TPTE: variants seen among roughly 807,000 people sequenced by gnomAD.
TPTE encodes transmembrane phosphatase with tensin homology.
A neutral mutation model predicts 84.1 loss-of-function variants in TPTE; 59 were observed. The observed-to-expected ratio is 0.70, with a 90% CI of 0.57 to 0.87. The LOEUF is 0.87. TPTE is among the 40% of genes least tolerant of loss of function. The pLI, the probability that TPTE is intolerant of heterozygous loss-of-function variation, is 0.00. For synonymous variants in TPTE, 130 were observed against 223.5 expected, an observed-to-expected ratio of 0.58 and a Z score of 3.73; for missense variants, 382 against 659.6, an observed-to-expected ratio of 0.58 and a Z score of 4.61.
At position 10,540,604 on chromosome 21, in the gene TPTE, AC is replaced by A. The variant is rs1350942472; in HGVS notation, c.12-503del. On this transcript the variant is annotated intron_variant, in intron 4 of 23. Coordinates refer to ENST00000618007, the MANE Select transcript of TPTE (RefSeq NM_199261.4). ...GAGCTAATAACCCTGGAATTATTTC[AC>A]CCCCTCCAGAGCTCTACCGTTATGT... The A allele has an allele frequency of 5.8e-6, 3 of 515,308 alleles. No homozygotes were observed. The East Asian group carries it at 1.6e-4, about 28-fold the overall frequency. 31.9% of individuals were successfully genotyped at this position (515,308 alleles called of 1,614,324 possible).
chr21:10,534,719 A>C (rs563466245), intron 3 of TPTE, among the ~76,000 whole-genome samples: 3 of 152,430 alleles, frequency 2.0e-5, no homozygotes, highest in African/African-American at 7.2e-5. Flanking sequence ...TTAACTATAG[A>C]GTTTCTTGGA....
intron 17 of TPTE, among the ~76,000 whole-genome samples, chr21:10,583,547 G>A (rs1394205979): frequency 6.6e-6 from 1 of 152,310 alleles, no homozygotes; most frequent in African/African-American, 2.4e-5. Context: ...TGTCTCTCAG[G>A]AGTAGCTTTT....
At chr21:10,538,286 T>G (rs2074304079) in intron 3 of TPTE, among the ~76,000 whole-genome samples, 1 of 152,308 alleles carries the variant, frequency 6.6e-6, no homozygotes, top group Non-Finnish European at 1.5e-5. Context: ...TTTACCGTAC[T>G]TGTGGACCAA....
chr21:10,539,000 T>A (rs1371703567), intron 4 of TPTE, among the ~76,000 whole-genome samples: 3 of 152,310 alleles, frequency 2.0e-5, no homozygotes, highest in South Asian at 4.1e-4. Flanking sequence ...CCAATTCTTC[T>A]CCTAGTAGCC....
chr21:10,555,012 T>A (rs1338561240), intron 8 of TPTE, among the ~76,000 whole-genome samples: 2 of 152,312 alleles, frequency 1.3e-5, no homozygotes, highest in Non-Finnish European at 2.9e-5. Flanking sequence ...GAAAAATGTG[T>A]CCAGTGGGAG....
chr21:10,531,054 T>C (rs2074169566), intron 3 of TPTE, among the ~76,000 whole-genome samples: 1 of 152,310 alleles, frequency 6.6e-6, no homozygotes. Flanking sequence ...TTTTATATTT[T>C]AGAATAAGTT....
intron 11 of TPTE, among the ~76,000 whole-genome samples, chr21:10,568,483 CAAG>C (rs1385132857): frequency 2.6e-5 from 4 of 152,420 alleles, no homozygotes; most frequent in Admixed American, 1.3e-4. Flanking sequence ...TTTACTGTGA[CAAG>C]GAGGAAAATG....
At chr21:10,565,766 C>T (rs1200054720) in intron 10 of TPTE, among the ~76,000 whole-genome samples, 2 of 152,308 alleles carry the variant, frequency 1.3e-5, no homozygotes, top group African/African-American at 4.8e-5. Flanking sequence ...CAAAAGACAT[C>T]TCTTCAACAA....
chr21:10,550,942 C>G (rs1349206769), intron 7 of TPTE, among the ~76,000 whole-genome samples: 1 of 152,308 alleles, frequency 6.6e-6, no homozygotes, highest in Non-Finnish European at 1.5e-5. Context: ...ACATTCATAA[C>G]AAGAGGAACA....
chr21:10,600,156 T>TC (rs112372026), intron 21 of TPTE, among the ~76,000 whole-genome samples: 3 of 151,442 alleles, frequency 2.0e-5, no homozygotes, highest in African/African-American at 7.4e-5. Context: ...TTTTTTTTTT[T>TC]GAGACGGAGT....
At chr21:10,536,290 C>T (rs1260393637) in intron 3 of TPTE, among the ~76,000 whole-genome samples, 2 of 152,300 alleles carry the variant, frequency 1.3e-5, no homozygotes, top group Non-Finnish European at 2.9e-5. Flanking sequence ...AAAGGATACA[C>T]CTAGTTCAAA....
At chr21:10,553,610 C>T (rs1483177922) in intron 8 of TPTE, among the ~76,000 whole-genome samples, 2 of 152,310 alleles carry the variant, frequency 1.3e-5, no homozygotes, top group Non-Finnish European at 2.9e-5. Flanking sequence ...AGCAGGTTTT[C>T]ATTTTATTTT....
At chr21:10,550,342 C>T (rs1454659673) in intron 7 of TPTE, among the ~76,000 whole-genome samples, 5 of 152,304 alleles carry the variant, frequency 3.3e-5, no homozygotes, top group Non-Finnish European at 7.3e-5. Context: ...AAGAAACTCA[C>T]TTTACCGGTA....
rs569818976 is a variant in TPTE at position 10,590,745 on chromosome 21, T to TC, written c.1089+223dup. ...TCTTTGGGCCAGGACTAGAGTGAGG[T>TC]CAATGAGGTGCAAAATTTAAGGGAA... On this transcript the variant is annotated intron_variant, in intron 18 of 23. Coordinates refer to ENST00000618007, the MANE Select transcript of TPTE (RefSeq NM_199261.4). Among the ~76,000 whole-genome samples, 8 of 152,410 alleles carry TC rather than the reference T, an allele frequency of 5.2e-5. No individual in the cohort carries two copies. In the South Asian group the frequency reaches 1.5e-3, roughly 28 times the overall value.
At chr21:10,545,786 T>C (rs1326053830) in intron 7 of TPTE, among the ~76,000 whole-genome samples, 1 of 151,756 alleles carries the variant, frequency 6.6e-6, no homozygotes, top group Non-Finnish European at 1.5e-5. Flanking sequence ...TATACATGTC[T>C]ACATATGTGC....
intron 3 of TPTE, among the ~76,000 whole-genome samples, chr21:10,531,104 G>T (rs2074170700): frequency 6.6e-6 from 1 of 152,310 alleles, no homozygotes; most frequent in Non-Finnish European, 1.5e-5. Context: ...TTTTCAAAGT[G>T]ATTATGTTAC....
At chr21:10,559,257 A>G (rs1305532768) in intron 8 of TPTE, among the ~76,000 whole-genome samples, 1 of 152,312 alleles carries the variant, frequency 6.6e-6, no homozygotes, top group Non-Finnish European at 1.5e-5. Context: ...TTTGCATGCA[A>G]TGGAAATGTT....
chr21:10,534,733 T>C (rs1284206699), intron 3 of TPTE, among the ~76,000 whole-genome samples: 2 of 152,304 alleles, frequency 1.3e-5, no homozygotes, highest in Non-Finnish European at 2.9e-5. Context: ...TCTTGGACAC[T>C]GTTTCTGAAG....
intron 3 of TPTE, among the ~76,000 whole-genome samples, chr21:10,534,724 C>T (rs1209721232): frequency 6.6e-6 from 1 of 152,308 alleles, no homozygotes; most frequent in Admixed American, 6.5e-5. Flanking sequence ...TATAGAGTTT[C>T]TTGGACACTG....
Sources: gnomAD v4.1 joint callset for allele counts (sites outside exome capture counted in the v4.1 genomes callset) on GRCh38, gnomAD v4.1.1 for gene constraint, MANE v1.5 for transcripts, NCBI Gene and HGNC (gene_info 2026-07-23, HGNC 2026-07-21) for gene names.